The following DDI2 variants were observed in gnomAD, a reference collection of about 807,000 sequenced individuals.
The protein encoded by DDI2 is protein DDI1 homolog 2.
Under a neutral mutation model 48.1 loss-of-function variants are expected in DDI2, and 5 were observed. The ratio of observed to expected loss-of-function variants is 0.10; its 90% CI spans 0.05 to 0.22. The LOEUF (loss-of-function observed/expected upper bound fraction) is 0.22. Among genes scored for constraint, DDI2 ranks in the 10% least tolerant of loss-of-function variants. The probability of loss-of-function intolerance (pLI) is 1.00; values close to 1 mark genes in which losing one functional copy is unlikely to be tolerated. For synonymous variants in DDI2, 205 were observed against 183.6 expected (o/e 1.12, Z -0.94); for missense variants, 285 against 506.2 (o/e 0.56, Z 4.19).
chr1:15,629,961 A>G (rs182663436), intron 2 of DDI2, among the ~76,000 whole-genome samples: 18 of 152,118 alleles, frequency 1.2e-4, no homozygotes, highest in Non-Finnish European at 2.2e-4. Context: ...TGAACTTCTG[A>G]CCTCAGGTGA....
chr1:15,636,457 G>A (rs137961430), intron 4 of DDI2, among the ~76,000 whole-genome samples: 123 of 149,524 alleles, frequency 8.2e-4, no homozygotes, highest in African/African-American at 2.9e-3. Context: ...TTGTTGAAGA[G>A]ACAGGGTCAG....
chr1:15,661,764 CAAAAG>C lies in DDI2; in HGVS notation c.*1978_*1982del. ...TAGACCGTTCTCCATTCCCTTTAAACAAAAGAAAGCTCTCTCTATATACACGCACA... is the reference window on the plus strand; with the variant it reads ...TAGACCGTTCTCCATTCCCTTTAAACAAAGCTCTCTCTATATACACGCACA... On this transcript the variant is annotated 3_prime_UTR_variant, in exon 10 of 10. Transcript: ENST00000480945. 1 of 1,548,988 alleles carries C rather than the reference CAAAAG, an allele frequency of 6.5e-7. No homozygotes were observed. Among genetic ancestry groups the C allele is most frequent in the Non-Finnish European group, 8.7e-7 (1 of 1,149,588 alleles).
At position 15,660,843 on chromosome 1, in the gene DDI2, A is replaced by G. The variant is rs2148308254; in HGVS notation, c.*1053A>G. 1 of 1,614,190 alleles carries G rather than the reference A, an allele frequency of 6.2e-7. No individual in the cohort carries two copies. Among genetic ancestry groups the G allele is most frequent in the Non-Finnish European group, 8.5e-7 (1 of 1,180,024 alleles). ...TTGAAATACCTGGAACAAATAAAGA[A>G]TATGGCCATTACTCCTCTCCAAGTC... is the stretch of plus-strand genomic sequence containing the variant. On this transcript the variant is annotated 3_prime_UTR_variant, in exon 10 of 10. Coordinates refer to ENST00000480945, the MANE Select transcript of DDI2 (RefSeq NM_032341.5).
intron 2 of DDI2, 132 bp from the exon 3 acceptor site, chr1:15,630,193 A>G (rs1303196989): frequency 5.0e-6 from 4 of 802,522 alleles, no homozygotes; most frequent in Non-Finnish European, 8.2e-6. Context: ...ATCATGAGAA[A>G]GAACAAGGTT....
intron 5 of DDI2, among the ~76,000 whole-genome samples, chr1:15,640,299 T>C (rs1307599284): frequency 1.3e-5 from 2 of 152,186 alleles, no homozygotes; most frequent in Non-Finnish European, 2.9e-5. Context: ...TTTTATTTCA[T>C]CCTCAGAATA....
chr1:15,630,392 A>G lies in DDI2; in HGVS notation c.336A>G (p.Pro112=), dbSNP rs1261892164. 1 of 1,614,230 alleles carries G rather than the reference A, an allele frequency of 6.2e-7. No individual in the cohort carries two copies. ...PGTSSPRQRQ[P]PGTQQSHSSP... is the part of the protein sequence containing the mutation. ...CATCAAGTCCCCGGCAGCGCCAGCC[A>G]CCAGGAACACAGCAGTCCCACTCAT... is the stretch of plus-strand genomic sequence containing the variant. The change falls in exon 3 of 10, where the codon CCA becomes CCG. Residue 112 remains proline, a synonymous_variant. Transcript: ENST00000480945.
At chr1:15,658,705 G>C (rs1202286151) in intron 9 of DDI2, among the ~76,000 whole-genome samples, 2 of 151,046 alleles carry the variant, frequency 1.3e-5, no homozygotes, top group South Asian at 4.2e-4. Flanking sequence ...GGTGAGCTCA[G>C]ATGGCGCCAT....
chr1:15,622,657 G>A (rs571551805), intron 1 of DDI2, among the ~76,000 whole-genome samples: 3 of 152,192 alleles, frequency 2.0e-5, no homozygotes, highest in South Asian at 4.1e-4. Context: ...CAAGAATGCC[G>A]GCAGCGGATC....
intron 1 of DDI2, among the ~76,000 whole-genome samples, chr1:15,622,827 G>A (rs1639689246): frequency 6.6e-6 from 1 of 152,100 alleles, no homozygotes; most frequent in Admixed American, 6.6e-5. Flanking sequence ...AGTTCTTTGT[G>A]GCAATTACAA....
Position 15,665,408 on chromosome 1 carries a change from A to G in DDI2, c.*5618A>G, listed in dbSNP as rs1640438480. 6.6e-6 allele frequency: 1 copy of G among 152,126 alleles called. No homozygotes were observed. Among genetic ancestry groups the G allele is most frequent in the Non-Finnish European group, 1.5e-5 (1 of 68,014 alleles). 9.4% of individuals were successfully genotyped at this position (152,126 alleles called of 1,614,324 possible). On this transcript the variant is annotated 3_prime_UTR_variant, in exon 10 of 10. Coordinates refer to ENST00000480945, the MANE Select transcript of DDI2 (RefSeq NM_032341.5). ...ATGTACTAAAGGGAGACACAACCCT[A>G]TGTGTTTTTTCCCAAAGCATGTCTC...
chr1:15,622,402 A>G (rs985334232), intron 1 of DDI2, among the ~76,000 whole-genome samples: 1 of 152,138 alleles, frequency 6.6e-6, no homozygotes, highest in Non-Finnish European at 1.5e-5. Context: ...AGAGACCAGA[A>G]AACACCTGAC....
chr1:15,626,814 G>T lies in DDI2; in HGVS notation c.268+16G>T. 1.2e-6 allele frequency: 2 copies of T among 1,614,064 alleles called. No homozygotes were observed. The highest frequency in any genetic ancestry group is 8.5e-7 in the Non-Finnish European group (1 of 1,179,998). On this transcript the variant is annotated intron_variant, in intron 2 of 9. Transcript: ENST00000480945. The stretch of plus-strand genomic sequence containing the variant: ...CAGTTCCCAAGTAAGACATCTGGTG[G>T]TTGAGCATCCCCCAGCAGAACCATC...
rs568781256 is a variant in DDI2, at chr1:15,651,843, G to A, written c.1131G>A (p.Glu377=). 1.2e-6 allele frequency: 2 copies of A among 1,613,888 alleles called. No individual in the cohort carries two copies. The highest frequency in any genetic ancestry group is 1.1e-5 in the South Asian group (1 of 91,050). ...GAAGAGAGGATGTACGGCCAGAGGAGATTGCAGACCAAGAATTAGCAGAAG... is the reference window on the plus strand; with the variant it reads ...GAAGAGAGGATGTACGGCCAGAGGAAATTGCAGACCAAGAATTAGCAGAAG... ...GAGREDVRPE[E]IADQELAEAL... Residue 377 remains glutamate (E), a synonymous_variant, in exon 8 of 10, where the codon GAG becomes GAA. Transcript: ENST00000480945.
intron 1 of DDI2, among the ~76,000 whole-genome samples, chr1:15,622,919 G>A (rs1006648703): frequency 6.6e-6 from 1 of 152,190 alleles, no homozygotes; most frequent in Admixed American, 6.5e-5. Flanking sequence ...TGTGAGGAAC[G>A]TGTGCGCCTC....
At position 15,626,698 on chromosome 1, in the gene DDI2, C is replaced by T; in HGVS notation, c.168C>T (p.Asp56=). 1.9e-6 allele frequency: 3 copies of T among 1,614,188 alleles called. No homozygotes were observed. Among genetic ancestry groups the T allele is most frequent in the Non-Finnish European group, 2.5e-6 (3 of 1,180,042 alleles). The change falls in exon 2 of 10, where the codon GAC becomes GAT. Residue 56 remains aspartate, a synonymous_variant. Coordinates refer to ENST00000480945, the MANE Select transcript of DDI2 (RefSeq NM_032341.5). ...TCTATGCGGAAAGACCTCTCACAGA[C>T]AACCACAGATCATTGGCTTCTTATG... The part of the protein sequence containing the change: ...QIVYAERPLT[D]NHRSLASYGL...
At chr1:15,619,103 C>A (rs1428653925) in intron 1 of DDI2, among the ~76,000 whole-genome samples, 1 of 152,112 alleles carries the variant, frequency 6.6e-6, no homozygotes, top group Non-Finnish European at 1.5e-5. Context: ...AGAAAATAAA[C>A]TCTTCAATTT....
At chr1:15,638,530 CTTTTTTTTT>C in intron 5 of DDI2, 96 bp downstream of exon 5, 1 of 570,974 alleles carries the variant, frequency 1.8e-6, no homozygotes. Context: ...GATGGCTGTA[CTTTTTTTTT>C]TTTTTTTTTT....
intron 5 of DDI2, among the ~76,000 whole-genome samples, chr1:15,642,709 A>G (rs1640029489): frequency 6.6e-6 from 1 of 152,202 alleles, no homozygotes; most frequent in Non-Finnish European, 1.5e-5. Flanking sequence ...AGATCACTTG[A>G]GGTGAGGAGT....
In DDI2 at chr1:15,619,561, G is replaced by A. The variant is rs550564773; in HGVS notation, c.138+1753G>A. Among the ~76,000 whole-genome samples the A allele has an allele frequency of 8.8e-5, 13 of 148,504 alleles. No individual in the cohort carries two copies. The South Asian group carries it at 2.1e-3, about 25-fold the overall frequency. On this transcript the variant is annotated intron_variant, in intron 1 of 9. Coordinates refer to ENST00000480945, the MANE Select transcript of DDI2 (RefSeq NM_032341.5). ...ACTGCAAGCTCCACCTCCCGGGTTC[G>A]TGCCATTCTCCTGCCTCAGCCTCCC...
Sources: gnomAD v4.1 joint callset for allele counts (sites outside exome capture counted in the v4.1 genomes callset) on GRCh38, gnomAD v4.1.1 for gene constraint, MANE v1.5 for transcripts, NCBI Gene and HGNC (gene_info 2026-07-23, HGNC 2026-07-21) for gene names.